SCFD1: variants seen among roughly 807,000 people sequenced by gnomAD.
The protein encoded by SCFD1 is sec1 family domain-containing protein 1.
A neutral mutation model predicts 103.2 loss-of-function variants in SCFD1; 37 were observed. The ratio of observed to expected loss-of-function variants is 0.36; its 90% CI spans 0.28 to 0.47. The LOEUF is 0.47. Among genes scored for constraint, SCFD1 ranks in the 20% least tolerant of loss-of-function variants. The pLI, the probability that SCFD1 is intolerant of heterozygous loss-of-function variation, is 1.00. For synonymous variants in SCFD1, 264 were observed against 245.0 expected (o/e 1.08, Z -0.73); for missense variants, 639 against 761.2 (o/e 0.84, Z 1.89).
chr14:30,669,561 T>A lies in SCFD1; in HGVS notation c.856-695T>A, dbSNP rs115020922. ...TTTTGGGGGGTTTTTTGGTTTTTTT[T>A]ACAGAAAAGGTACAAAAATCAAGCC... On this transcript the variant is annotated intron_variant, in intron 10 of 24. Coordinates refer to ENST00000458591, the MANE Select transcript of SCFD1 (RefSeq NM_016106.4). Among the ~76,000 whole-genome samples the A allele has an allele frequency of 8.9e-3, 1,358 of 152,072 alleles. 22 individuals carry two copies. Among genetic ancestry groups the A allele is most frequent in the African/African-American group, 0.03 (1,263 of 41,496 alleles).
chr14:30,634,397 A>G (rs1307434271), intron 4 of SCFD1, among the ~76,000 whole-genome samples: 2 of 152,078 alleles, frequency 1.3e-5, no homozygotes, highest in Non-Finnish European at 2.9e-5. Flanking sequence ...TAATTGCTCT[A>G]TTTTATTTCT....
chr14:30,657,763 C>A (rs935726398), intron 10 of SCFD1, among the ~76,000 whole-genome samples: 4 of 152,132 alleles, frequency 2.6e-5, no homozygotes, highest in African/African-American at 7.2e-5. Flanking sequence ...ATACCCTTTG[C>A]CTCCACAAGA....
In SCFD1 at chr14:30,735,850, A is replaced by C. The variant is rs1893804738; in HGVS notation, c.*241A>C. On this transcript the variant is annotated 3_prime_UTR_variant, in exon 25 of 25. Coordinates refer to ENST00000458591, the MANE Select transcript of SCFD1 (RefSeq NM_016106.4). ...TAAATCAGAAAGTACTAATATAATA[A>C]CTAATAGGTTATGATTGAAGCTGGT... 1 of 374,828 alleles carries C rather than the reference A, an allele frequency of 2.7e-6. No individual in the cohort carries two copies. 23.2% of individuals were successfully genotyped at this position (374,828 alleles called of 1,614,324 possible).
intron 1 of SCFD1, among the ~76,000 whole-genome samples, chr14:30,624,711 C>A (rs1883206442): frequency 2.0e-5 from 3 of 152,170 alleles, no homozygotes; most frequent in African/African-American, 7.2e-5. Context: ...TCAAAATCTT[C>A]CAGCATCTTC....
intron 19 of SCFD1, among the ~76,000 whole-genome samples, chr14:30,713,399 C>T (rs1475412228): frequency 7.1e-6 from 1 of 140,094 alleles, no homozygotes; most frequent in Non-Finnish European, 1.5e-5. Context: ...CTCTGAAAAA[C>T]CAGACAAAAA....
chr14:30,664,154 C>T (rs755044930), intron 10 of SCFD1, among the ~76,000 whole-genome samples: 3 of 152,144 alleles, frequency 2.0e-5, no homozygotes, highest in Middle Eastern at 3.4e-3. Context: ...TACACCCGGG[C>T]GCCCCTCTGA....
intron 11 of SCFD1, among the ~76,000 whole-genome samples, chr14:30,671,682 C>T (rs1888555063): frequency 6.6e-6 from 1 of 152,086 alleles, no homozygotes; most frequent in South Asian, 2.1e-4. Flanking sequence ...TTGGAGATAG[C>T]ATAAACAAGT....
intron 23 of SCFD1, among the ~76,000 whole-genome samples, chr14:30,728,427 C>T (rs536025431): frequency 2.0e-4 from 30 of 152,242 alleles, no homozygotes; most frequent in Admixed American, 1.2e-3. Flanking sequence ...GTTTCTGCTG[C>T]GGCCTCTAAT....
At chr14:30,673,134 CAT>C (rs1271608429) in intron 11 of SCFD1, 121 bp from the exon 12 acceptor site, 2 of 460,700 alleles carry the variant, frequency 4.3e-6, no homozygotes, top group East Asian at 3.4e-5. Context: ...TTATATATAA[CAT>C]ATATTCAAAT....
intron 11 of SCFD1, among the ~76,000 whole-genome samples, chr14:30,671,243 C>T (rs796984918): frequency 3.9e-5 from 6 of 151,956 alleles, no homozygotes; most frequent in African/African-American, 1.2e-4. Flanking sequence ...AAAATCAAAT[C>T]GCCATAACAA....
chr14:30,728,757 C>G (rs1393474130), intron 23 of SCFD1, among the ~76,000 whole-genome samples: 1 of 151,702 alleles, frequency 6.6e-6, no homozygotes, highest in Admixed American at 6.6e-5. Context: ...TTCCTGATGA[C>G]TTACGAAGTC....
In SCFD1 at chr14:30,661,824, TTTG is replaced by T. The variant is rs1453701479; in HGVS notation, c.855+8237_855+8239del. On this transcript the variant is annotated intron_variant, in intron 10 of 24. Transcript: ENST00000458591. Reference sequence around the variant, plus strand: ...GTGGAAATTAGTTTTAGGGATGAGCTTTGAAAAATAAATTTTTCACATAATGCT... The same window carrying T: ...GTGGAAATTAGTTTTAGGGATGAGCTAAAAATAAATTTTTCACATAATGCT... Among the ~76,000 whole-genome samples the T allele has an allele frequency of 2.0e-5, 3 of 152,176 alleles. No individual in the cohort carries two copies. In the East Asian group the frequency reaches 5.8e-4, roughly 29 times the overall value.
chr14:30,661,116 C>A (rs904874908), intron 10 of SCFD1, among the ~76,000 whole-genome samples: 1 of 152,088 alleles, frequency 6.6e-6, no homozygotes, highest in Non-Finnish European at 1.5e-5. Context: ...GATTAAAGAA[C>A]CCATTTTTTT....
At chr14:30,713,206 G>A (rs921451828) in intron 19 of SCFD1, among the ~76,000 whole-genome samples, 1 of 152,078 alleles carries the variant, frequency 6.6e-6, no homozygotes, top group African/African-American at 2.4e-5. Flanking sequence ...GTTGTTTCCT[G>A]AAGTACTCTT....
chr14:30,642,860 T>G (rs946306576), intron 6 of SCFD1, among the ~76,000 whole-genome samples: 1 of 152,180 alleles, frequency 6.6e-6, no homozygotes, highest in Non-Finnish European at 1.5e-5. Flanking sequence ...TTTTAACAGA[T>G]ATTTATTCAT....
At chr14:30,691,214 C>T (rs1470764775) in intron 14 of SCFD1, among the ~76,000 whole-genome samples, 1 of 152,120 alleles carries the variant, frequency 6.6e-6, no homozygotes, top group Non-Finnish European at 1.5e-5. Flanking sequence ...ATGTCTGTTT[C>T]TTCATCTTTA....
chr14:30,735,490 G>A lies in SCFD1; in HGVS notation c.1906-96G>A. On this transcript the variant is annotated intron_variant, in intron 24 of 24. Transcript: ENST00000458591. ...TCTAGGAATGCAGTGAATAAAATAG[G>A]AAGTGTAATTTATTAAGGGGTTTAC... The A allele has an allele frequency of 3.7e-6, 3 of 814,158 alleles. No homozygotes were observed. In the South Asian group the frequency reaches 4.5e-5, roughly 12 times the overall value. The allele number at this position is 814,158 out of a possible 1,614,324, so 50.4% of individuals were successfully genotyped here.
chr14:30,673,156 T>C (rs1385551915), intron 11 of SCFD1, 101 bp from the exon 12 acceptor site: 2 of 494,810 alleles, frequency 4.0e-6, no homozygotes, highest in African/African-American at 3.9e-5. Context: ...TCCAAATAAG[T>C]ATATTTAAAA....
chr14:30,719,127 C>A (rs1892478665), intron 20 of SCFD1, among the ~76,000 whole-genome samples, 198 bp from the exon 21 acceptor site: 1 of 152,006 alleles, frequency 6.6e-6, no homozygotes, highest in Non-Finnish European at 1.5e-5. Flanking sequence ...ACCTGATAGA[C>A]CATTATTAGG....
Sources: allele counts gnomAD v4.1 joint callset (sites outside exome capture counted in the v4.1 genomes callset), GRCh38; gene constraint gnomAD v4.1.1; transcripts MANE v1.5; gene names NCBI Gene and HGNC (gene_info 2026-07-23, HGNC 2026-07-21).